Variants in ATF7IP observed in about 807,000 individuals in gnomAD.
ATF7IP encodes activating transcription factor 7-interacting protein 1.
ATF7IP carries 23 observed loss-of-function variants against 106.4 expected under a neutral mutation model. That is an observed-to-expected ratio of 0.22 (90% CI 0.16 to 0.31). The LOEUF (loss-of-function observed/expected upper bound fraction) is 0.31. Ranked by LOEUF, ATF7IP falls within the 10% of genes least tolerant of loss-of-function variation. ATF7IP has a pLI of 1.00. For synonymous variants in ATF7IP, 542 were observed against 539.0 expected (o/e 1.01, Z -0.08); for missense variants, 1,334 against 1,524.3 (o/e 0.88, Z 2.08).
chr12:14,420,645 TAAAG>T (rs1941457333), intron 1 of ATF7IP, among the ~76,000 whole-genome samples: 1 of 149,804 alleles, frequency 6.7e-6, no homozygotes, highest in African/African-American at 2.5e-5. Context: ...AAAAAAAAAA[TAAAG>T]AAATAGCCAT....
chr12:14,474,088 A>AT (rs1473143210), intron 10 of ATF7IP, among the ~76,000 whole-genome samples: 4 of 151,480 alleles, frequency 2.6e-5, no homozygotes, highest in Non-Finnish European at 5.9e-5. Context: ...TTATTATTCA[A>AT]TTTTTTCTTT....
intron 1 of ATF7IP, among the ~76,000 whole-genome samples, chr12:14,407,356 A>G (rs1940646751): frequency 6.6e-6 from 1 of 151,892 alleles, no homozygotes. Flanking sequence ...TGAAATTAAA[A>G]GGTTTTTTTT....
chr12:14,391,945 T>A (rs1939578907), intron 1 of ATF7IP, among the ~76,000 whole-genome samples: 1 of 152,200 alleles, frequency 6.6e-6, no homozygotes, highest in African/African-American at 2.4e-5. Flanking sequence ...GGTCTCGAAC[T>A]CCTGACCTCA....
chr12:14,472,614 C>T (rs1015565285), intron 10 of ATF7IP, among the ~76,000 whole-genome samples: 15 of 152,166 alleles, frequency 9.9e-5, no homozygotes, highest in African/African-American at 3.6e-4. Flanking sequence ...TTCAGCACCA[C>T]TCAGTCTCCT....
At chr12:14,470,335 G>T (rs1943992847) in intron 10 of ATF7IP, among the ~76,000 whole-genome samples, 1 of 152,130 alleles carries the variant, frequency 6.6e-6, no homozygotes, top group Non-Finnish European at 1.5e-5. Context: ...AACGACACAT[G>T]ATTAGCTAAG....
intron 1 of ATF7IP, among the ~76,000 whole-genome samples, chr12:14,388,589 C>T (rs142074265): frequency 0.018 from 2,714 of 151,658 alleles, 82 homozygotes; most frequent in African/African-American, 0.063. Flanking sequence ...TAAAGTGATC[C>T]GCCTGCCTAG....
intron 1 of ATF7IP, among the ~76,000 whole-genome samples, chr12:14,415,181 GATGGAAAATTGGCCA>G: frequency 6.6e-6 from 1 of 152,286 alleles, no homozygotes; most frequent in Admixed American, 6.5e-5. Flanking sequence ...GTAGGGCCTT[GATGGAAAATTGGCCA>G]ATTTTCTAAG....
In ATF7IP at chr12:14,423,914, G is replaced by T; in HGVS notation, c.-2G>T. On this transcript the variant is annotated 5_prime_UTR_variant, in exon 2 of 15. Transcript: ENST00000261168. ...CTTTCTCTTTTTTCTTAAAGATTCA[G>T]AATGGACAGTTTAGAAGAACCTCAG... 6.3e-7 allele frequency: 1 copy of T among 1,583,546 alleles called. No homozygotes were observed. The highest frequency in any genetic ancestry group is 8.6e-7 in the Non-Finnish European group (1 of 1,168,258).
chr12:14,498,111 C>T lies in ATF7IP; in HGVS notation c.*38C>T, dbSNP rs1388625844. The T allele has an allele frequency of 6.6e-7, 1 of 1,516,766 alleles. No individual in the cohort carries two copies. The allele number at this position is 1,516,766 out of a possible 1,614,324, so 94.0% of individuals were successfully genotyped here. A position where few individuals can be genotyped will look rare whatever the true frequency, so the allele number is the denominator to read the frequency against. On this transcript the variant is annotated 3_prime_UTR_variant, in exon 15 of 15. Coordinates refer to ENST00000261168, the MANE Select transcript of ATF7IP (RefSeq NM_018179.5). ...TTATATTTTCCTCTTTTAAAATTTC[C>T]ACCTTTTGGTCTTGTTTTTAATCTT...
chr12:14,434,736 T>C (rs1283022683), intron 3 of ATF7IP, among the ~76,000 whole-genome samples: 1 of 152,192 alleles, frequency 6.6e-6, no homozygotes, highest in Non-Finnish European at 1.5e-5. Flanking sequence ...TACAAGAATT[T>C]TGTATGGGCT....
chr12:14,380,867 C>G lies in ATF7IP; in HGVS notation c.-8+15040C>G, dbSNP rs143077942. ...ACTCCTGACTTCAGGTGATCCACCT[C>G]CCTTGGCCTCCCAAAGTGCTGGGAT... is the stretch of plus-strand genomic sequence containing the variant. On this transcript the variant is annotated intron_variant, in intron 1 of 14. Transcript: ENST00000261168. Among the ~76,000 whole-genome samples, 612 of 152,198 alleles carry G rather than the reference C, an allele frequency of 4.0e-3. 4 individuals carry two copies. The highest frequency in any genetic ancestry group is 0.014 in the African/African-American group (589 of 41,528).
At position 14,494,309 on chromosome 12, in the gene ATF7IP, A is replaced by G. The variant is rs1443198534; in HGVS notation, c.3281-1922A>G. Among the ~76,000 whole-genome samples, 372 of 96,820 alleles carry G rather than the reference A, an allele frequency of 3.8e-3. 13 individuals are homozygous for G. The highest frequency in any genetic ancestry group is 0.015 in the African/African-American group (363 of 24,362). 63.5% of individuals were successfully genotyped at this position (96,820 alleles called of 152,430 possible). A position where few individuals can be genotyped will look rare whatever the true frequency, so the allele number is the denominator to read the frequency against. On this transcript the variant is annotated intron_variant, in intron 13 of 14. Transcript: ENST00000261168. ...AATATATATATATATATATATATAT[A>G]TATATATATATATATATATATATAT...
chr12:14,473,402 A>C (rs954219832), intron 10 of ATF7IP, among the ~76,000 whole-genome samples: 10 of 151,470 alleles, frequency 6.6e-5, no homozygotes, highest in African/African-American at 2.4e-4. Context: ...TTATGTGTAC[A>C]TTTACCTCCT....
chr12:14,420,651 A>G (rs576150382), intron 1 of ATF7IP, among the ~76,000 whole-genome samples: 2 of 152,294 alleles, frequency 1.3e-5, no homozygotes, highest in African/African-American at 4.8e-5. Flanking sequence ...AAAATAAAGA[A>G]ATAGCCATCA....
chr12:14,371,228 T>G (rs1362249241), intron 1 of ATF7IP, among the ~76,000 whole-genome samples: 3 of 152,014 alleles, frequency 2.0e-5, no homozygotes, highest in African/African-American at 7.2e-5. Flanking sequence ...TGAACTAAAC[T>G]TGTAAATTAG....
rs61758731 is a variant in ATF7IP, at chr12:14,436,179, G to A, written c.1719G>A (p.Met573Ile). 6.2e-7 allele frequency: 1 copy of A among 1,613,714 alleles called. No homozygotes were observed. The highest frequency in any genetic ancestry group is 1.1e-5 in the South Asian group (1 of 91,066). ...TACAGTCTAAACGTCGTCGATATAT[G>A]GAAGAAGAATATGAGGCAGAATTTC... ...DNVQSKRRRY[M>I]EEEYEAEFQV... is the part of the protein sequence containing the mutation. The change falls in exon 4 of 15, where the codon ATG (methionine) becomes ATA (isoleucine). Residue 573 changes from methionine to isoleucine, a missense_variant. Around this residue, in one of 10 missense-constraint regions of ATF7IP, gnomAD observed 119 missense variants for 117.8 expected, o/e 1.01. Coordinates refer to ENST00000261168, the MANE Select transcript of ATF7IP (RefSeq NM_018179.5).
intron 1 of ATF7IP, among the ~76,000 whole-genome samples, chr12:14,370,548 G>A (rs566794936): frequency 2.0e-5 from 3 of 151,994 alleles, no homozygotes; most frequent in Admixed American, 1.3e-4. Context: ...TAATGGTTTT[G>A]GTTACAATTC....
At chr12:14,402,110 C>T (rs977847250) in intron 1 of ATF7IP, among the ~76,000 whole-genome samples, 8 of 134,736 alleles carry the variant, frequency 5.9e-5, no homozygotes, top group East Asian at 2.2e-4. Context: ...CTCTCTTTTT[C>T]TTTTCTTTTC....
intron 3 of ATF7IP, among the ~76,000 whole-genome samples, chr12:14,435,402 A>T (rs781328843): frequency 1.3e-5 from 2 of 152,338 alleles, no homozygotes; most frequent in Non-Finnish European, 2.9e-5. Context: ...GCATGGTCAC[A>T]TAAGAGCATT....
Sources: gnomAD v4.1 joint callset for allele counts (sites outside exome capture counted in the v4.1 genomes callset) on GRCh38, gnomAD v4.1.1 for gene constraint, gnomAD v4.1.1 regional missense constraint, MANE v1.5 for transcripts, NCBI Gene and HGNC (gene_info 2026-07-23, HGNC 2026-07-21) for gene names.